The following RBFOX1 variants were observed in gnomAD, a reference collection of about 807,000 sequenced individuals.
RBFOX1 encodes the protein RNA binding fox-1 homolog 1, also known as RNA binding protein fox-1 homolog 1.
A neutral mutation model predicts 57.7 loss-of-function variants in RBFOX1; 8 were observed. The observed-to-expected ratio is 0.14, with a 90% confidence interval of 0.08 to 0.25. The LOEUF is 0.25. Ranked by LOEUF, RBFOX1 falls within the 10% of genes least tolerant of loss-of-function variation. RBFOX1 has a pLI of 1.00. For missense variants in RBFOX1, 611 were observed against 548.5 expected (o/e 1.11, Z -1.14); for synonymous variants, 326 against 222.4 (o/e 1.47, Z -4.15).
intron 2 of RBFOX1, among the ~76,000 whole-genome samples, chr16:6,354,684 T>G (rs991691892): frequency 1.2e-4 from 18 of 152,190 alleles, no homozygotes; most frequent in Admixed American, 1.1e-3. Context: ...CACAGAGTTT[T>G]TGCACAGGCC....
chr16:6,280,861 C>T (rs1386861947), intron 1 of RBFOX1, among the ~76,000 whole-genome samples: 1 of 151,770 alleles, frequency 6.6e-6, no homozygotes, highest in Non-Finnish European at 1.5e-5. Context: ...ATTTCCTTTT[C>T]CTTTGAGATT....
At chr16:6,317,552 A>G (rs1599571937) in intron 2 of RBFOX1, among the ~76,000 whole-genome samples, 1 of 152,164 alleles carries the variant, frequency 6.6e-6, no homozygotes, top group Non-Finnish European at 1.5e-5. Flanking sequence ...GCAAAAAAAA[A>G]AGAAATTTTT....
intron 1 of RBFOX1, among the ~76,000 whole-genome samples, chr16:5,464,570 G>C (rs1239011504): frequency 2.0e-5 from 3 of 152,228 alleles, no homozygotes; most frequent in African/African-American, 7.2e-5. Context: ...CTTCAGAGCT[G>C]TAGCTTTATG....
At chr16:7,604,528 C>CA (rs1185490832) in intron 9 of RBFOX1, among the ~76,000 whole-genome samples, 1 of 152,030 alleles carries the variant, frequency 6.6e-6, no homozygotes, top group East Asian at 1.9e-4. Context: ...AAGAGATTGC[C>CA]ATGTGCAGAC....
chr16:5,587,596 C>G (rs920411291), intron 2 of RBFOX1, among the ~76,000 whole-genome samples: 4 of 152,146 alleles, frequency 2.6e-5, no homozygotes, highest in African/African-American at 9.7e-5. Context: ...GCCTGTAATC[C>G]CAGCTAATCT....
At chr16:5,590,979 GACCCCAAA>G (rs1567268354) in intron 2 of RBFOX1, among the ~76,000 whole-genome samples, 1 of 151,658 alleles carries the variant, frequency 6.6e-6, no homozygotes, top group Non-Finnish European at 1.5e-5. Flanking sequence ...CGTCCAAAGC[GACCCCAAA>G]TTCATTTAGC....
chr16:6,483,038 G>T (rs1427223128), intron 2 of RBFOX1: 3 of 696,188 alleles, frequency 4.3e-6, no homozygotes, highest in Admixed American at 6.3e-5. Context: ...GAGAGAGGGC[G>T]AGCGGCGAGA....
At chr16:5,477,251 AT>A (rs201959895) in intron 2 of RBFOX1, among the ~76,000 whole-genome samples, 1,918 of 152,024 alleles carry the variant, frequency 0.013, 22 homozygotes, top group Non-Finnish European at 0.02. Context: ...TGGTGCCTGT[AT>A]TTTTTTTCCT....
At chr16:5,635,400 A>T (rs1199485363) in intron 3 of RBFOX1, among the ~76,000 whole-genome samples, 1 of 152,210 alleles carries the variant, frequency 6.6e-6, no homozygotes, top group Admixed American at 6.5e-5. Flanking sequence ...TATGTTGTGA[A>T]CACCTGGTGG....
At chr16:6,171,498 A>G (rs552673958) in intron 1 of RBFOX1, among the ~76,000 whole-genome samples, 1 of 152,238 alleles carries the variant, frequency 6.6e-6, no homozygotes, top group South Asian at 2.1e-4. Context: ...ACATTCCTGG[A>G]GTTTGGTGGG....
At chr16:6,995,420 G>T (rs2092109120) in intron 3 of RBFOX1, among the ~76,000 whole-genome samples, 1 of 151,732 alleles carries the variant, frequency 6.6e-6, no homozygotes, top group African/African-American at 2.4e-5. Context: ...ATAGACCTAT[G>T]GGGTGTTTTA....
chr16:6,941,748 C>G (rs1011737790), intron 3 of RBFOX1, among the ~76,000 whole-genome samples: 2 of 152,158 alleles, frequency 1.3e-5, no homozygotes, highest in African/African-American at 2.4e-5. Context: ...AATGTGGTAA[C>G]TATACCAAGC....
intron 1 of RBFOX1, among the ~76,000 whole-genome samples, chr16:6,166,759 C>G (rs2096920603): frequency 1.3e-5 from 2 of 152,028 alleles, no homozygotes; most frequent in Non-Finnish European, 2.9e-5. Context: ...TGTGCCCAGC[C>G]CCGTGGGGTT....
intron 4 of RBFOX1, among the ~76,000 whole-genome samples, chr16:5,949,525 C>T (rs74316137): frequency 3.1e-5 from 1 of 32,298 alleles, no homozygotes; most frequent in Non-Finnish European, 6.0e-5. Context: ...GAGTCCATCT[C>T]AAAAAAAAAA....
chr16:6,446,810 G>A (rs2094495476), intron 2 of RBFOX1, among the ~76,000 whole-genome samples: 1 of 152,104 alleles, frequency 6.6e-6, no homozygotes, highest in South Asian at 2.1e-4. Context: ...AGAGAGAGGT[G>A]TCCTGATGCA....
At chr16:6,613,553 A>G (rs77469752) in intron 2 of RBFOX1, among the ~76,000 whole-genome samples, 26 of 152,336 alleles carry the variant, frequency 1.7e-4, no homozygotes, top group South Asian at 8.3e-4. Flanking sequence ...ACAAAATGCT[A>G]TGGAACGCTA....
chr16:7,459,689 G>T (rs900895765), intron 4 of RBFOX1, among the ~76,000 whole-genome samples: 2 of 152,102 alleles, frequency 1.3e-5, no homozygotes, highest in African/African-American at 4.8e-5. Context: ...CACCATTTTG[G>T]CATTTCAAAA....
At chr16:6,889,836 G>A (rs113975114) in intron 3 of RBFOX1, among the ~76,000 whole-genome samples, 1,634 of 152,322 alleles carry the variant, frequency 0.011, 27 homozygotes, top group African/African-American at 0.038. Context: ...CACAGACACA[G>A]CAGGAAACAA....
chr16:5,849,069 C>T (rs1464103033), intron 3 of RBFOX1, among the ~76,000 whole-genome samples: 9 of 152,080 alleles, frequency 5.9e-5, no homozygotes, highest in African/African-American at 2.2e-4. Flanking sequence ...GTAGAAAACC[C>T]AGGTAAGAAC....
Sources: allele counts gnomAD v4.1 joint callset (sites outside exome capture counted in the v4.1 genomes callset), GRCh38; gene constraint gnomAD v4.1.1; transcripts MANE v1.5; gene names NCBI Gene and HGNC (gene_info 2026-07-23, HGNC 2026-07-21).